Variants in DNAH6 observed in about 807,000 individuals in gnomAD.
The protein encoded by DNAH6 is axonemal beta dynein heavy chain 6.
Under a neutral mutation model 491.4 loss-of-function variants are expected in DNAH6, and 340 were observed. That is an observed-to-expected ratio of 0.69 (90% CI 0.63 to 0.76). DNAH6 has a LOEUF of 0.76. Ranked by LOEUF, DNAH6 falls within the 30% of genes least tolerant of loss-of-function variation. The pLI, the probability that DNAH6 is intolerant of heterozygous loss-of-function variation, is 0.00. For synonymous variants in DNAH6, 1,603 were observed against 1,686.1 expected, an observed-to-expected ratio of 0.95 and a Z score of 1.21; for missense variants, 4,443 against 4,972.2, an observed-to-expected ratio of 0.89 and a Z score of 3.20.
At chr2:84,678,855 A>G (rs142906771) in intron 41 of DNAH6, among the ~76,000 whole-genome samples, 1 of 152,344 alleles carries the variant, frequency 6.6e-6, no homozygotes, top group Non-Finnish European at 1.5e-5. Flanking sequence ...TCTGGGGGCT[A>G]CCAGGTTGGA....
intron 64 of DNAH6, chr2:84,777,455 C>G (rs1041033113): frequency 1.7e-5 from 11 of 631,026 alleles, no homozygotes; most frequent in Non-Finnish European, 2.6e-5. Context: ...GTGCAACCGC[C>G]TAAGATTCTT....
chr2:84,516,270 A>C (rs1475630452), upstream of DNAH6, among the ~76,000 whole-genome samples: 2 of 152,166 alleles, frequency 1.3e-5, no homozygotes, highest in Non-Finnish European at 2.9e-5. Context: ...CTCTGCCTAC[A>C]CCTCCTGGCA....
chr2:84,554,143 A>G (rs756083631), intron 10 of DNAH6, among the ~76,000 whole-genome samples: 5 of 152,214 alleles, frequency 3.3e-5, no homozygotes, highest in African/African-American at 4.8e-5. Context: ...CTTCAAGGGC[A>G]GATGGACCAC....
rs978250026 is a variant in DNAH6 at position 84,780,031 on chromosome 2, A to G, written c.10704-1462A>G. Among the ~76,000 whole-genome samples, 11 of 152,252 alleles carry G rather than the reference A, an allele frequency of 7.2e-5. No individual in the cohort carries two copies. In the East Asian group the frequency reaches 2.1e-3, roughly 29 times the overall value. ...GTTAGCCTGATAGGACGACCTTTGTAAGGGATCTGACCTTTTCCTCTAGCT... is the reference window on the plus strand; with the variant it reads ...GTTAGCCTGATAGGACGACCTTTGTGAGGGATCTGACCTTTTCCTCTAGCT... On this transcript the variant is annotated intron_variant, in intron 64 of 76. Coordinates refer to ENST00000389394, the MANE Select transcript of DNAH6 (RefSeq NM_001370.2).
intron 64 of DNAH6, among the ~76,000 whole-genome samples, chr2:84,779,385 G>A (rs542627249): frequency 2.0e-5 from 3 of 152,098 alleles, no homozygotes; most frequent in African/African-American, 7.2e-5. Flanking sequence ...ACCCATTACC[G>A]TTATGTAATG....
rs538933657 is a variant in DNAH6 at position 84,654,124 on chromosome 2, G to A, written c.5634+250G>A. Among the ~76,000 whole-genome samples the A allele has an allele frequency of 1.4e-4, 21 of 152,222 alleles. No individual in the cohort carries two copies. The South Asian group carries it at 1.9e-3, about 14-fold the overall frequency. On this transcript the variant is annotated intron_variant, in intron 34 of 76. Coordinates refer to ENST00000389394, the MANE Select transcript of DNAH6 (RefSeq NM_001370.2). ...AGGGAGAGAGAGAAAGAGAGAGAGA[G>A]AGAGAAAGAAAGAGGAGAGAGAGAG...
intron 37 of DNAH6, among the ~76,000 whole-genome samples, chr2:84,665,578 A>T (rs7581574): frequency 5.8e-4 from 88 of 152,204 alleles, no homozygotes; most frequent in African/African-American, 1.9e-3. Flanking sequence ...AATAGACCAA[A>T]AACAGGCTCT....
chr2:84,605,257 G>A lies in DNAH6; in HGVS notation c.3082-243G>A, dbSNP rs186797290. Among the ~76,000 whole-genome samples, 95 of 151,572 alleles carry A rather than the reference G, an allele frequency of 6.3e-4. No individual in the cohort carries two copies. In the Middle Eastern group the frequency reaches 0.024, roughly 38 times the overall value. ...AGTCCCAGCTACTCGGGAGGCTGAGGCAGGAGAATGGCGTGAACCCAGGAG... is the reference window on the plus strand; with the variant it reads ...AGTCCCAGCTACTCGGGAGGCTGAGACAGGAGAATGGCGTGAACCCAGGAG... On this transcript the variant is annotated intron_variant, in intron 19 of 76. Coordinates refer to ENST00000389394, the MANE Select transcript of DNAH6 (RefSeq NM_001370.2).
At chr2:84,611,548 G>A in intron 21 of DNAH6, 126 bp from the exon 22 acceptor site, 2 of 754,282 alleles carry the variant, frequency 2.7e-6, no homozygotes, top group Non-Finnish European at 4.3e-6. Context: ...CAAAGGACCT[G>A]TGAGGAGTCA....
chr2:84,754,642 A>G (rs1387344181), intron 63 of DNAH6, among the ~76,000 whole-genome samples: 1 of 152,206 alleles, frequency 6.6e-6, no homozygotes, highest in African/African-American at 2.4e-5. Flanking sequence ...ATTAGCCTAT[A>G]TGTCTATCCT....
chr2:84,678,084 A>T (rs1693430604), intron 41 of DNAH6, among the ~76,000 whole-genome samples: 1 of 152,212 alleles, frequency 6.6e-6, no homozygotes, highest in Non-Finnish European at 1.5e-5. Context: ...GCATGTATAC[A>T]ACCTTCAGTA....
rs80084338 is a variant in DNAH6 at position 84,765,611 on chromosome 2, A to C, written c.10703+2666A>C. On this transcript the variant is annotated intron_variant, in intron 64 of 76. Coordinates refer to ENST00000389394, the MANE Select transcript of DNAH6 (RefSeq NM_001370.2). ...TGATCTGTAGTTTCCAAACAAGCAG[A>C]GGAGAAAAAGGATATACAGTCGAAT... is the stretch of plus-strand genomic sequence containing the variant. Among the ~76,000 whole-genome samples, 64 of 152,198 alleles carry C rather than the reference A, an allele frequency of 4.2e-4. 2 individuals are homozygous for C. In the East Asian group the frequency reaches 0.011, roughly 26 times the overall value.
chr2:84,577,311 C>G lies in DNAH6; in HGVS notation c.1979C>G (p.Ala660Gly). 6.2e-7 allele frequency: 1 copy of G among 1,608,394 alleles called. No individual in the cohort carries two copies. The highest frequency in any genetic ancestry group is 8.5e-7 in the Non-Finnish European group (1 of 1,177,760). Residue 660 changes from alanine to glycine, a missense_variant, in exon 13 of 77, where the codon GCA (alanine) becomes GGA (glycine). By Grantham distance (60) the Ala-to-Gly change is moderately conservative (BLOSUM62 0). Transcript: ENST00000389394. ...LEKYHKQHKD[A>G]VALRPTRNVG... is the part of the protein sequence containing the mutation. ...AAATATCACAAACAGCACAAGGACG[C>G]AGTAGCGCTCAGACCCACCAGAAAT...
chr2:84,531,841 AC>A, intron 4 of DNAH6, among the ~76,000 whole-genome samples: 1 of 152,032 alleles, frequency 6.6e-6, no homozygotes, highest in African/African-American at 2.4e-5. Context: ...ATTAAAAAAA[AC>A]CCTTAATAAT....
At chr2:84,502,448 C>T in the DNAH6 span, among the ~76,000 whole-genome samples, 2 of 152,062 alleles carry the variant, frequency 1.3e-5, no homozygotes, top group Admixed American at 1.3e-4. Context: ...TATCGGCTTT[C>T]CCTGAGAATA....
intron 45 of DNAH6, among the ~76,000 whole-genome samples, chr2:84,689,515 C>G (rs1416913780): frequency 2.6e-5 from 4 of 152,180 alleles, no homozygotes; most frequent in Admixed American, 6.5e-5. Context: ...ATCAGGGTAT[C>G]TGGGTTTCTC....
Position 84,785,745 on chromosome 2 carries a change from G to A in DNAH6, c.11089G>A (p.Ala3697Thr), listed in dbSNP as rs1677116287. ...AATATTTGGCATTTGTTTCTTCCAT[G>A]CAATTATTCAGGTACACTCAACTCT... ...QIIFGICFFHAIIQERKKFGP... is the reference protein window; with the variant it reads ...QIIFGICFFHTIIQERKKFGP... Residue 3697 changes from alanine to threonine, a missense_variant, in exon 67 of 77, where the codon GCA becomes ACA. By Grantham distance (58) the Ala-to-Thr change is moderately conservative. Around this residue, in one of 3 missense-constraint regions of DNAH6, gnomAD observed 1,463 missense variants for 1,656.6 expected, o/e 0.88. Coordinates refer to ENST00000389394, the MANE Select transcript of DNAH6 (RefSeq NM_001370.2). The A allele has an allele frequency of 6.5e-7, 1 of 1,539,554 alleles. No individual in the cohort carries two copies. The highest frequency in any genetic ancestry group is 1.4e-5 in the African/African-American group (1 of 72,462).
At chr2:84,805,072 G>A (rs1679288327) in intron 70 of DNAH6, among the ~76,000 whole-genome samples, 1 of 152,030 alleles carries the variant, frequency 6.6e-6, no homozygotes, top group Non-Finnish European at 1.5e-5. Flanking sequence ...GGCTAAAGCA[G>A]TCTTCCTGCC....
intron 11 of DNAH6, among the ~76,000 whole-genome samples, chr2:84,566,952 G>A (rs545388652): frequency 6.6e-6 from 1 of 151,888 alleles, no homozygotes; most frequent in Non-Finnish European, 1.5e-5. Flanking sequence ...TAGATCTATG[G>A]TTCACATTCT....
Sources: gnomAD v4.1 joint callset for allele counts (sites outside exome capture counted in the v4.1 genomes callset) on GRCh38, gnomAD v4.1.1 for gene constraint, gnomAD v4.1.1 regional missense constraint, MANE v1.5 for transcripts, NCBI Gene and HGNC (gene_info 2026-07-23, HGNC 2026-07-21) for gene names.